The following SNTG1 variants were observed in gnomAD, a reference collection of about 807,000 sequenced individuals.
SNTG1 encodes gamma-1-syntrophin.
A neutral mutation model predicts 74.7 loss-of-function variants in SNTG1; 39 were observed. The observed-to-expected ratio is 0.52, with a 90% CI of 0.40 to 0.68. SNTG1 has a LOEUF of 0.68. Among genes scored for constraint, SNTG1 ranks in the 30% least tolerant of loss-of-function variants. SNTG1 has a pLI of 0.00. For missense variants in SNTG1, 685 were observed against 609.5 expected, an observed-to-expected ratio of 1.12 and a Z score of -1.30; for synonymous variants, 254 against 217.1, an observed-to-expected ratio of 1.17 and a Z score of -1.49.
intron 1 of SNTG1, among the ~76,000 whole-genome samples, chr8:50,079,416 T>A (rs1326628759): frequency 1.3e-5 from 2 of 151,906 alleles, no homozygotes; most frequent in African/African-American, 4.8e-5. Context: ...GTTTGTTTTT[T>A]TTTTTCTTGT....
At chr8:50,436,260 C>T (rs562651613) in intron 4 of SNTG1, among the ~76,000 whole-genome samples, 11 of 152,170 alleles carry the variant, frequency 7.2e-5, no homozygotes, top group East Asian at 5.8e-4. Context: ...TCCTGTCATA[C>T]AAGAATTTTA....
At chr8:50,106,846 T>C (rs1334680591) in intron 1 of SNTG1, among the ~76,000 whole-genome samples, 1 of 152,168 alleles carries the variant, frequency 6.6e-6, no homozygotes, top group Non-Finnish European at 1.5e-5. Context: ...CAATTCTATA[T>C]TTTAGCAAGG....
At chr8:50,130,484 A>G (rs2081282585) in intron 1 of SNTG1, among the ~76,000 whole-genome samples, 2 of 152,152 alleles carry the variant, frequency 1.3e-5, no homozygotes, top group African/African-American at 4.8e-5. Context: ...TTAAGTAGTC[A>G]GAGAGAAAAG....
At chr8:49,916,899 C>A (rs551919185) in intron 1 of SNTG1, among the ~76,000 whole-genome samples, 2 of 151,878 alleles carry the variant, frequency 1.3e-5, no homozygotes, top group African/African-American at 4.8e-5. Context: ...GGTGAATGTG[C>A]CTGTAGTCTC....
At chr8:50,738,507 C>T (rs1329062388) in intron 17 of SNTG1, among the ~76,000 whole-genome samples, 2 of 152,106 alleles carry the variant, frequency 1.3e-5, no homozygotes, top group East Asian at 3.9e-4. Flanking sequence ...AGATTCAATG[C>T]TATCCTCATC....
At chr8:50,336,452 G>A (rs2091145998) in intron 2 of SNTG1, among the ~76,000 whole-genome samples, 1 of 152,126 alleles carries the variant, frequency 6.6e-6, no homozygotes, top group Non-Finnish European at 1.5e-5. Flanking sequence ...TTGAGGCACT[G>A]GTAGAAGATT....
At chr8:50,139,249 C>A (rs2081580342) in intron 1 of SNTG1, among the ~76,000 whole-genome samples, 1 of 152,106 alleles carries the variant, frequency 6.6e-6, no homozygotes, top group African/African-American at 2.4e-5. Context: ...TTAATTGCAG[C>A]AAAATATTGT....
intron 15 of SNTG1, among the ~76,000 whole-genome samples, chr8:50,674,423 A>AT: frequency 6.6e-6 from 1 of 151,786 alleles, no homozygotes; most frequent in African/African-American, 2.4e-5. Context: ...GTGTCCAGGA[A>AT]TTTATTTATT....
intron 10 of SNTG1, among the ~76,000 whole-genome samples, chr8:50,535,131 G>A (rs1223376337): frequency 6.6e-6 from 1 of 152,000 alleles, no homozygotes. Context: ...CATTTAGCTG[G>A]GCTAGATTAT....
intron 1 of SNTG1, among the ~76,000 whole-genome samples, chr8:49,942,523 C>T (rs1320673462): frequency 6.6e-6 from 1 of 151,952 alleles, no homozygotes; most frequent in Non-Finnish European, 1.5e-5. Flanking sequence ...TAGTTTTTAT[C>T]TGCTGTTCTT....
chr8:49,982,886 A>C (rs1036156935), intron 1 of SNTG1, among the ~76,000 whole-genome samples: 1 of 152,198 alleles, frequency 6.6e-6, no homozygotes, highest in Non-Finnish European at 1.5e-5. Flanking sequence ...GAGAGATGGG[A>C]ACTACAGTAA....
intron 1 of SNTG1, among the ~76,000 whole-genome samples, chr8:50,110,949 C>G (rs887103591): frequency 6.6e-6 from 1 of 152,064 alleles, no homozygotes; most frequent in African/African-American, 2.4e-5. Context: ...ATGTCCTAAA[C>G]AATTATTTGT....
intron 2 of SNTG1, among the ~76,000 whole-genome samples, chr8:50,353,254 A>C (rs143941673): frequency 0.085 from 8,055 of 94,438 alleles, 268 homozygotes; most frequent in South Asian, 0.098. Flanking sequence ...GGGGCCTGTC[A>C]TGAGGTGGGG....
At chr8:50,205,218 C>T (rs1410426277) in intron 2 of SNTG1, among the ~76,000 whole-genome samples, 1 of 152,170 alleles carries the variant, frequency 6.6e-6, no homozygotes, top group Non-Finnish European at 1.5e-5. Flanking sequence ...TCTCCACATC[C>T]TCTCCAGCAC....
chr8:50,504,769 A>C (rs1198902285), intron 9 of SNTG1, among the ~76,000 whole-genome samples: 1 of 152,194 alleles, frequency 6.6e-6, no homozygotes. Flanking sequence ...CCCATCTCAA[A>C]AATAAATAAA....
intron 5 of SNTG1, among the ~76,000 whole-genome samples, chr8:50,447,388 A>C (rs1028718980): frequency 1.3e-5 from 2 of 152,228 alleles, no homozygotes; most frequent in African/African-American, 4.8e-5. Context: ...CCTGTCCCAA[A>C]ATATCTGAAT....
chr8:49,994,654 C>T (rs1176218490), intron 1 of SNTG1, among the ~76,000 whole-genome samples: 1 of 151,904 alleles, frequency 6.6e-6, no homozygotes, highest in African/African-American at 2.4e-5. Context: ...CTAAAAAAAA[C>T]TGTTAAATAT....
At chr8:49,968,296 A>G (rs1811335807) in intron 1 of SNTG1, among the ~76,000 whole-genome samples, 1 of 152,118 alleles carries the variant, frequency 6.6e-6, no homozygotes, top group Admixed American at 6.5e-5. Flanking sequence ...TTGCTTATGA[A>G]ATTTCAGCAC....
intron 2 of SNTG1, among the ~76,000 whole-genome samples, chr8:50,205,286 AT>A (rs2084168764): frequency 6.6e-6 from 1 of 151,998 alleles, no homozygotes; most frequent in South Asian, 2.1e-4. Context: ...ATGGTATCTC[AT>A]TGTGGTTTTG....
Sources: allele counts gnomAD v4.1 joint callset (sites outside exome capture counted in the v4.1 genomes callset), GRCh38; gene constraint gnomAD v4.1.1; transcripts MANE v1.5; gene names NCBI Gene and HGNC (gene_info 2026-07-23, HGNC 2026-07-21).